FMN1: variants seen among roughly 807,000 people sequenced by gnomAD.
The protein encoded by FMN1 is formin 1.
FMN1 carries 110 observed loss-of-function variants against 132.4 expected under a neutral mutation model. The ratio of observed to expected loss-of-function variants is 0.83; its 90% CI spans 0.71 to 0.97. The LOEUF is 0.97. Ranked by LOEUF, FMN1 falls within the 50% of genes least tolerant of loss-of-function variation. The pLI, the probability that FMN1 is intolerant of heterozygous loss-of-function variation, is 0.00. For synonymous variants in FMN1, 722 were observed against 651.7 expected, an observed-to-expected ratio of 1.11 and a Z score of -1.64; for missense variants, 1,792 against 1,705.3, an observed-to-expected ratio of 1.05 and a Z score of -0.90.
chr15:32,804,575 A>T (rs149649259), intron 17 of FMN1, among the ~76,000 whole-genome samples: 5,241 of 150,084 alleles, frequency 0.035, 134 homozygotes, highest in Middle Eastern at 0.063. Flanking sequence ...CAGGTTTGTT[A>T]CATATGTATA....
chr15:32,798,011 G>A (rs1270397644), intron 19 of FMN1, among the ~76,000 whole-genome samples: 1 of 152,112 alleles, frequency 6.6e-6, no homozygotes, highest in South Asian at 2.1e-4. Flanking sequence ...ACTCTGTTTT[G>A]AATGCCATTC....
intron 7 of FMN1, among the ~76,000 whole-genome samples, chr15:32,979,530 T>C (rs1404920289): frequency 7.8e-6 from 1 of 128,518 alleles, no homozygotes; most frequent in Non-Finnish European, 1.5e-5. Flanking sequence ...CACTGCAGCC[T>C]GCGCAACAGA....
rs1217313953 is a variant in FMN1, at chr15:32,774,106, T to C, written c.*204A>G. The C allele has an allele frequency of 1.7e-5, 10 of 577,628 alleles. No individual in the cohort carries two copies. The East Asian group carries it at 3.3e-4, about 19-fold the overall frequency. The allele number at this position is 577,628 out of a possible 1,614,324, so 35.8% of individuals were successfully genotyped here. ...AATATTTCTGCAATGTTCCCTTAAA[T>C]AGTTTTCCATTGTTCCTGCGGCTTA... On this transcript the variant is annotated 3_prime_UTR_variant, in exon 21 of 21. Coordinates refer to ENST00000616417, the MANE Select transcript of FMN1 (RefSeq NM_001277313.2).
chr15:33,104,534 G>T (rs2039411195), intron 4 of FMN1, among the ~76,000 whole-genome samples: 1 of 151,966 alleles, frequency 6.6e-6, no homozygotes, highest in South Asian at 2.1e-4. Context: ...TACAACAGAG[G>T]ACTCACTCAG....
At chr15:33,115,573 C>G (rs1016235124) in intron 4 of FMN1, among the ~76,000 whole-genome samples, 1 of 151,556 alleles carries the variant, frequency 6.6e-6, no homozygotes, top group Non-Finnish European at 1.5e-5. Flanking sequence ...CCCCACCTCT[C>G]CTATCTTTTA....
chr15:33,052,214 A>C (rs910949476), intron 6 of FMN1, among the ~76,000 whole-genome samples: 2 of 152,228 alleles, frequency 1.3e-5, no homozygotes, highest in African/African-American at 4.8e-5. Context: ...CTGGTGTCTT[A>C]GCCTTGAGAT....
chr15:33,010,175 G>A (rs1407659643), intron 6 of FMN1, among the ~76,000 whole-genome samples: 1 of 152,122 alleles, frequency 6.6e-6, no homozygotes, highest in Admixed American at 6.6e-5. Flanking sequence ...GAATCTTAAA[G>A]GCACTATGCA....
At chr15:32,946,461 G>T (rs1011304496) in intron 9 of FMN1, among the ~76,000 whole-genome samples, 4 of 152,120 alleles carry the variant, frequency 2.6e-5, no homozygotes, top group Non-Finnish European at 5.9e-5. Flanking sequence ...TAGTCCTGTG[G>T]CCTCTCCCTT....
At chr15:32,961,804 C>T (rs941939536) in intron 9 of FMN1, among the ~76,000 whole-genome samples, 8 of 152,136 alleles carry the variant, frequency 5.3e-5, no homozygotes, top group African/African-American at 9.7e-5. Context: ...GACCTAGTAC[C>T]GTTGCCTCAG....
At chr15:32,799,112 GA>G (rs1266416536) in intron 18 of FMN1, among the ~76,000 whole-genome samples, 159 bp from the exon 19 acceptor site, 3 of 152,200 alleles carry the variant, frequency 2.0e-5, no homozygotes, top group African/African-American at 7.2e-5. Flanking sequence ...GTAAACCTCA[GA>G]AAATCTATTT....
intron 3 of FMN1, among the ~76,000 whole-genome samples, chr15:33,159,679 G>A (rs1467346530): frequency 6.6e-6 from 1 of 152,202 alleles, no homozygotes; most frequent in Non-Finnish European, 1.5e-5. Flanking sequence ...TCAACCAACT[G>A]TAAAGCAGCT....
At position 32,773,964 on chromosome 15, in the gene FMN1, A is replaced by T. The variant is rs950029602; in HGVS notation, c.*346T>A. On this transcript the variant is annotated 3_prime_UTR_variant, in exon 21 of 21. Transcript: ENST00000616417. ...TCTCTCTTCTGTGACAATGTGACAT[A>T]TATCAAGCTTTGGTTATAAAGCTGG... 3.3e-6 allele frequency: 1 copy of T among 304,400 alleles called. No individual in the cohort carries two copies. Among genetic ancestry groups the T allele is most frequent in the East Asian group, 1.0e-4 (1 of 9,872 alleles). 18.9% of individuals were successfully genotyped at this position (304,400 alleles called of 1,614,324 possible). A position where few individuals can be genotyped will look rare whatever the true frequency, so the allele number is the denominator to read the frequency against.
chr15:32,806,352 C>A (rs1315301176), intron 17 of FMN1, among the ~76,000 whole-genome samples: 1 of 152,174 alleles, frequency 6.6e-6, no homozygotes, highest in African/African-American at 2.4e-5. Flanking sequence ...TCATCTGTCC[C>A]ATGAGAACAG....
At chr15:32,996,389 T>C (rs2033771363) in intron 7 of FMN1, among the ~76,000 whole-genome samples, 1 of 152,236 alleles carries the variant, frequency 6.6e-6, no homozygotes, top group African/African-American at 2.4e-5. Flanking sequence ...TATATGAGTT[T>C]ATGCTTCAGC....
At chr15:33,066,663 G>C in intron 5 of FMN1, 4 of 1,613,794 alleles carry the variant, frequency 2.5e-6, no homozygotes, top group Non-Finnish European at 3.4e-6. Context: ...CGGATGAATA[G>C]GGCTTTAAAA....
intron 9 of FMN1, among the ~76,000 whole-genome samples, chr15:32,961,281 C>T (rs2030510808): frequency 6.6e-6 from 1 of 151,646 alleles, no homozygotes; most frequent in Admixed American, 6.6e-5. Context: ...TTACAGGCGC[C>T]CGCCACCACA....
intron 6 of FMN1, chr15:33,013,128 A>G (rs527913237): frequency 6.2e-5 from 25 of 404,338 alleles, no homozygotes; most frequent in East Asian, 5.6e-4. Flanking sequence ...CAGGGAAGCT[A>G]TAGGTTGCAA....
At chr15:32,873,566 T>C (rs1198917608) in intron 16 of FMN1, among the ~76,000 whole-genome samples, 2 of 152,188 alleles carry the variant, frequency 1.3e-5, no homozygotes, top group African/African-American at 4.8e-5. Flanking sequence ...CTGGAGCCTT[T>C]AACAGGAGGC....
At chr15:32,866,022 A>G (rs2059384490) in intron 16 of FMN1, among the ~76,000 whole-genome samples, 2 of 152,042 alleles carry the variant, frequency 1.3e-5, no homozygotes. Flanking sequence ...TACACCAACA[A>G]TTGGTACATT....
Sources: allele counts gnomAD v4.1 joint callset (sites outside exome capture counted in the v4.1 genomes callset), GRCh38; gene constraint gnomAD v4.1.1; transcripts MANE v1.5; gene names NCBI Gene and HGNC (gene_info 2026-07-23, HGNC 2026-07-21).